The following KANSL1L variants were observed in gnomAD, a reference collection of about 807,000 sequenced individuals.
KANSL1L encodes KAT8 regulatory NSL complex subunit 1 like.
KANSL1L carries 25 observed loss-of-function variants against 108.6 expected under a neutral mutation model. That is an observed-to-expected ratio of 0.23 (90% confidence interval 0.17 to 0.32). The LOEUF (loss-of-function observed/expected upper bound fraction) is 0.32. Ranked by LOEUF, KANSL1L falls within the 10% of genes least tolerant of loss-of-function variation. The probability of loss-of-function intolerance (pLI) is 1.00; values close to 1 mark genes in which losing one functional copy is unlikely to be tolerated. For missense variants in KANSL1L, 1,137 were observed against 1,125.7 expected, an observed-to-expected ratio of 1.01 and a Z score of -0.14; for synonymous variants, 405 against 395.1, an observed-to-expected ratio of 1.03 and a Z score of -0.30.
intron 2 of KANSL1L, among the ~76,000 whole-genome samples, chr2:210,140,616 C>A (rs1488744144): frequency 1.3e-5 from 2 of 152,110 alleles, no homozygotes; most frequent in African/African-American, 4.8e-5. Flanking sequence ...TCTTTTTGCT[C>A]AAGATTGCTT....
chr2:210,149,572 GAAGAA>G (rs937703630), intron 2 of KANSL1L, among the ~76,000 whole-genome samples: 2 of 151,914 alleles, frequency 1.3e-5, no homozygotes, highest in African/African-American at 4.8e-5. Context: ...CAAACGTAGA[GAAGAA>G]AATAACAAAA....
intron 1 of KANSL1L, among the ~76,000 whole-genome samples, chr2:210,165,154 TCAACTTA>T (rs1185178325): frequency 1.3e-5 from 2 of 150,990 alleles, no homozygotes; most frequent in Non-Finnish European, 2.9e-5. Flanking sequence ...AACAGAATTT[TCAACTTA>T]CATTCCAATT....
intron 1 of KANSL1L, among the ~76,000 whole-genome samples, chr2:210,161,150 G>A (rs6435554): frequency 0.33 from 49,396 of 151,418 alleles, 8,092 homozygotes; most frequent in East Asian, 0.51. Flanking sequence ...CATCATGCCC[G>A]GCTAATTTTT....
chr2:210,142,094 A>AT (rs553367599), intron 2 of KANSL1L, among the ~76,000 whole-genome samples: 24 of 146,712 alleles, frequency 1.6e-4, no homozygotes, highest in African/African-American at 2.8e-4. Flanking sequence ...CTCCTCTTCA[A>AT]TTTTTTTTTT....
At chr2:210,102,628 C>A (rs1177585420) in intron 4 of KANSL1L, among the ~76,000 whole-genome samples, 8 of 152,080 alleles carry the variant, frequency 5.3e-5, no homozygotes, top group Admixed American at 5.2e-4. Flanking sequence ...GAGAAAAAAA[C>A]AAACAACCCC....
chr2:210,156,842 T>C (rs2095336192), intron 1 of KANSL1L, among the ~76,000 whole-genome samples: 1 of 152,074 alleles, frequency 6.6e-6, no homozygotes, highest in Admixed American at 6.5e-5. Context: ...AAAAAAATTA[T>C]AGATGTTTGC....
chr2:210,127,792 C>T lies in KANSL1L; in HGVS notation c.1230+1239G>A, dbSNP rs1189018155. 9.2e-5 allele frequency among the ~76,000 whole-genome samples: 7 copies of T among 76,060 alleles called. No homozygotes were observed. In the South Asian group the frequency reaches 4.1e-3, roughly 44 times the overall value. The allele number at this position is 76,060 out of a possible 152,430, so 49.9% of individuals were successfully genotyped here. On this transcript the variant is annotated intron_variant, in intron 3 of 14. Transcript: ENST00000281772. ...CCAGCCTGGGTGACAGAACAAGACTCTGCCTCAAAAAAAAAAAAAAAAAAA... is the reference window on the plus strand; with the variant it reads ...CCAGCCTGGGTGACAGAACAAGACTTTGCCTCAAAAAAAAAAAAAAAAAAA...
chr2:210,035,925 G>C (rs56016194), intron 8 of KANSL1L, among the ~76,000 whole-genome samples: 63,897 of 152,086 alleles, frequency 0.42, 13,533 homozygotes, highest in East Asian at 0.51. Flanking sequence ...CAGAATTTCA[G>C]GTCCCATTCC....
At chr2:210,024,969 T>G in intron 13 of KANSL1L, 135 bp downstream of exon 13, 2 of 626,054 alleles carry the variant, frequency 3.2e-6, no homozygotes, top group South Asian at 3.9e-5. Context: ...CTATGTAGTA[T>G]TTTACTTCTG....
intron 2 of KANSL1L, among the ~76,000 whole-genome samples, chr2:210,149,945 T>TA (rs771041174): frequency 4.0e-5 from 6 of 149,754 alleles, no homozygotes; most frequent in Non-Finnish European, 9.0e-5. Flanking sequence ...TTCAGTGAAA[T>TA]AAAAAATATA....
intron 1 of KANSL1L, among the ~76,000 whole-genome samples, chr2:210,164,057 C>T (rs1347560426): frequency 1.3e-5 from 2 of 152,032 alleles, no homozygotes; most frequent in Non-Finnish European, 1.5e-5. Context: ...GAAGTGGCTA[C>T]ATATGTAATT....
At chr2:210,119,799 A>C (rs758054381) in intron 3 of KANSL1L, among the ~76,000 whole-genome samples, 1 of 152,226 alleles carries the variant, frequency 6.6e-6, no homozygotes, top group Non-Finnish European at 1.5e-5. Flanking sequence ...CTGTCATTCA[A>C]TATAATACTG....
chr2:210,082,969 A>C (rs2094602092), intron 5 of KANSL1L, among the ~76,000 whole-genome samples: 1 of 152,182 alleles, frequency 6.6e-6, no homozygotes, highest in South Asian at 2.1e-4. Flanking sequence ...AGAATGTAAC[A>C]TTATTTGGAA....
At chr2:210,138,532 A>G (rs2095196202) in intron 2 of KANSL1L, among the ~76,000 whole-genome samples, 2 of 152,242 alleles carry the variant, frequency 1.3e-5, no homozygotes, top group African/African-American at 4.8e-5. Context: ...TTTAGAAATA[A>G]TATTTGCAGT....
chr2:210,057,247 C>T (rs2094361638), intron 6 of KANSL1L, among the ~76,000 whole-genome samples: 1 of 152,064 alleles, frequency 6.6e-6, no homozygotes, highest in South Asian at 2.1e-4. Context: ...ACTAAAAATA[C>T]AAAAATTAGG....
chr2:210,142,944 A>G (rs900877290), intron 2 of KANSL1L, among the ~76,000 whole-genome samples: 13 of 152,084 alleles, frequency 8.5e-5, no homozygotes, highest in African/African-American at 2.9e-4. Context: ...TGTTCTATAT[A>G]TCTCTGTTAG....
intron 1 of KANSL1L, among the ~76,000 whole-genome samples, chr2:210,159,832 G>A (rs528667603): frequency 3.9e-5 from 6 of 152,024 alleles, no homozygotes; most frequent in South Asian, 2.1e-4. Flanking sequence ...CAGGCGGATC[G>A]AGACCATCCT....
chr2:210,029,193 G>GC, intron 10 of KANSL1L: 1 of 442,594 alleles, frequency 2.3e-6, no homozygotes, highest in Non-Finnish European at 3.9e-6. Context: ...GTGTATTTAT[G>GC]TGTGCAAGCA....
intron 5 of KANSL1L, among the ~76,000 whole-genome samples, chr2:210,087,190 C>T (rs2094646261): frequency 6.6e-6 from 1 of 151,912 alleles, no homozygotes; most frequent in South Asian, 2.1e-4. Flanking sequence ...ACATCTGGCT[C>T]ACTTTTTTAA....
Sources: gnomAD v4.1 joint callset for allele counts (sites outside exome capture counted in the v4.1 genomes callset) on GRCh38, gnomAD v4.1.1 for gene constraint, MANE v1.5 for transcripts, NCBI Gene and HGNC (gene_info 2026-07-23, HGNC 2026-07-21) for gene names.